Variants in NUP88 observed in about 807,000 individuals in gnomAD.
The protein encoded by NUP88 is nucleoporin 88.
A neutral mutation model predicts 93.9 loss-of-function variants in NUP88; 57 were observed. That is an observed-to-expected ratio of 0.61 (90% CI 0.49 to 0.76). The LOEUF (loss-of-function observed/expected upper bound fraction) is 0.76. Among genes scored for constraint, NUP88 ranks in the 30% least tolerant of loss-of-function variants. The pLI is 0.00. For synonymous variants in NUP88, 346 were observed against 336.8 expected (o/e 1.03, Z -0.30); for missense variants, 911 against 901.0 (o/e 1.01, Z -0.14).
At chr17:5,411,544 G>A (rs1234459286) in intron 3 of NUP88, among the ~76,000 whole-genome samples, 4 of 145,294 alleles carry the variant, frequency 2.8e-5, no homozygotes, top group Non-Finnish European at 5.9e-5. Context: ...TCACGCCACT[G>A]CACTCCAGCC....
intron 7 of NUP88, among the ~76,000 whole-genome samples, chr17:5,403,565 C>T (rs180865273): frequency 2.6e-5 from 4 of 152,216 alleles, no homozygotes; most frequent in Admixed American, 2.6e-4. Context: ...GAGGCTGAGG[C>T]AAAATAATCG....
Position 5,419,340 on chromosome 17 carries a change from C to A in NUP88, c.297+14G>T. ...TCCCGGTGAGGGTCACTTCCAAGAT[C>A]GGCCTGGCATTACCTGGTACTGGGA... On this transcript the variant is annotated intron_variant, in intron 1 of 16. Coordinates refer to ENST00000573584, the MANE Select transcript of NUP88 (RefSeq NM_002532.6). The A allele has an allele frequency of 1.3e-6, 2 of 1,541,072 alleles. No individual in the cohort carries two copies. Among genetic ancestry groups the A allele is most frequent in the South Asian group, 1.2e-5 (1 of 82,698 alleles).
In NUP88 at chr17:5,386,140, G is replaced by T; in HGVS notation, c.*66C>A. On this transcript the variant is annotated 3_prime_UTR_variant, in exon 17 of 17. Coordinates refer to ENST00000573584, the MANE Select transcript of NUP88 (RefSeq NM_002532.6). ...TTTTATAAATTAGATAATTCTACCT[G>T]TTTTACAATATGGGTTTAAGCCTTC... The T allele has an allele frequency of 1.6e-6, 2 of 1,216,766 alleles. No individual in the cohort carries two copies. The highest frequency in any genetic ancestry group is 2.5e-5 in the East Asian group (1 of 40,542). The allele number at this position is 1,216,766 out of a possible 1,614,324, so 75.4% of individuals were successfully genotyped here.
At chr17:5,395,151 G>A (rs946128164) in intron 8 of NUP88, among the ~76,000 whole-genome samples, 170 bp from the exon 9 acceptor site, 5 of 152,058 alleles carry the variant, frequency 3.3e-5, no homozygotes, top group Non-Finnish European at 7.4e-5. Context: ...CTAGATTTCC[G>A]CCCCAAGAAG....
chr17:5,416,316 G>A (rs988055578), intron 2 of NUP88, among the ~76,000 whole-genome samples, 197 bp downstream of exon 2: 38 of 151,652 alleles, frequency 2.5e-4, no homozygotes, highest in Admixed American at 2.0e-3. Flanking sequence ...AGACAGCAAC[G>A]TGGTACTTCA....
chr17:5,400,488 C>A (rs1307478217), intron 7 of NUP88, among the ~76,000 whole-genome samples: 1 of 118,518 alleles, frequency 8.4e-6, no homozygotes, highest in South Asian at 3.3e-4. Context: ...AGTGAAACTC[C>A]GTCTCAAAAA....
chr17:5,406,477 A>G (rs574907863), intron 5 of NUP88, among the ~76,000 whole-genome samples: 6 of 152,236 alleles, frequency 3.9e-5, no homozygotes, highest in East Asian at 1.9e-4. Flanking sequence ...GGGTAACAGT[A>G]TATCACTAGA....
intron 4 of NUP88, among the ~76,000 whole-genome samples, chr17:5,410,036 A>G (rs1421514451): frequency 6.6e-6 from 1 of 152,232 alleles, no homozygotes; most frequent in African/African-American, 2.4e-5. Flanking sequence ...CTTTATAGGT[A>G]AAGACTCTGG....
At chr17:5,389,550 G>A (rs975430779) in intron 10 of NUP88, among the ~76,000 whole-genome samples, 1 of 152,136 alleles carries the variant, frequency 6.6e-6, no homozygotes, top group Admixed American at 6.6e-5. Context: ...GGCCGAGGCA[G>A]GTGGATCACT....
chr17:5,400,139 TTA>T (rs1913055707), intron 7 of NUP88, among the ~76,000 whole-genome samples: 2 of 111,650 alleles, frequency 1.8e-5, no homozygotes, highest in African/African-American at 3.4e-5. Flanking sequence ...CTTTCATTTG[TTA>T]AAAAAAAAAA....
chr17:5,395,227 C>T (rs190617828), intron 8 of NUP88, among the ~76,000 whole-genome samples: 1 of 152,162 alleles, frequency 6.6e-6, no homozygotes, highest in Non-Finnish European at 1.5e-5. Flanking sequence ...AAATCATTCT[C>T]TTCTAGGGTG....
chr17:5,388,689 A>G, intron 11 of NUP88, 113 bp downstream of exon 11: 1 of 1,013,526 alleles, frequency 9.9e-7, no homozygotes, highest in Non-Finnish European at 1.4e-6. Context: ...AGTTTCTTCC[A>G]AATTTATCAC....
At chr17:5,406,480 T>C (rs1913497321) in intron 5 of NUP88, among the ~76,000 whole-genome samples, 1 of 152,172 alleles carries the variant, frequency 6.6e-6, no homozygotes, top group Non-Finnish European at 1.5e-5. Context: ...TAACAGTATA[T>C]CACTAGAGGT....
intron 10 of NUP88, 195 bp downstream of exon 10, chr17:5,391,366 C>A: frequency 1.9e-6 from 1 of 524,908 alleles, no homozygotes. Flanking sequence ...CAGGGGATGC[C>A]AGAAACTATA....
intron 3 of NUP88, 118 bp downstream of exon 3, chr17:5,413,890 TC>T (rs1415032117): frequency 1.3e-5 from 13 of 1,035,518 alleles, no homozygotes; most frequent in Non-Finnish European, 1.9e-5. Flanking sequence ...ACAACAGCCA[TC>T]CAATAAAAGC....
rs1911952918 is a variant in NUP88 at position 5,386,206 on chromosome 17, T to C, written c.2226A>G (p.Ter742TrpextTer9). 6.2e-7 allele frequency: 1 copy of C among 1,612,574 alleles called. No homozygotes were observed. The highest frequency in any genetic ancestry group is 8.5e-7 in the Non-Finnish European group (1 of 1,179,062). Residue 742 changes from the stop codon to tryptophan, a stop_lost, in exon 17 of 17, where the codon TGA becomes TGG. Coordinates refer to ENST00000573584, the MANE Select transcript of NUP88 (RefSeq NM_002532.6). ...INDIRNHVNF[*>W] ...AGGTGTGAGTCAGCTCCTGGTGGTG[T>C]CAGAAGTTTACATGATTGCGGATAT...
Position 5,387,669 on chromosome 17 carries a change from C to A in NUP88, c.1771G>T (p.Val591Phe), listed in dbSNP as rs774736593. Residue 591 changes from valine (V) to phenylalanine (F), a missense_variant and splice_region_variant, in exon 13 of 17, where the codon GTC (valine) becomes TTC (phenylalanine). Transcript: ENST00000573584. ...TTTTTTTGGTCACATAATAATTTGA[C>A]CCTTTAAAAACAAAAAGAAATAGAG... ...DLAKEEIQRR[V>F]KLLCDQKKKQ... The A allele has an allele frequency of 1.9e-6, 3 of 1,612,112 alleles. No individual in the cohort carries two copies. The highest frequency in any genetic ancestry group is 3.4e-5 in the Admixed American group (2 of 59,554).
chr17:5,388,896 ACT>A lies in NUP88; in HGVS notation c.1547_1548del (p.Glu516ValfsTer8), dbSNP rs1243094595. ...GTTTCAGCCAGAACACGGAGGGGAG[ACT>A]CTGCCACTTCAACATCTTCTCGAGT... ...LCTREDVEVAESPLRVLAETP... is the reference protein window; with the variant it reads ...LCTREDVEVAXSPLRVLAETP... On this transcript the variant is annotated frameshift_variant, in exon 11 of 17. Transcript: ENST00000573584. LOFTEE classifies it high-confidence loss of function. 6 of 1,613,752 alleles carry A rather than the reference ACT, an allele frequency of 3.7e-6. No homozygotes were observed. The highest frequency in any genetic ancestry group is 1.3e-5 in the African/African-American group (1 of 74,888).
chr17:5,394,770 C>T, intron 9 of NUP88, 121 bp downstream of exon 9: 1 of 696,116 alleles, frequency 1.4e-6, no homozygotes, highest in Non-Finnish European at 2.5e-6. Flanking sequence ...AGTATCACGT[C>T]TGCAACTTTC....
Sources: gnomAD v4.1 joint callset for allele counts (sites outside exome capture counted in the v4.1 genomes callset) on GRCh38, gnomAD v4.1.1 for gene constraint, MANE v1.5 for transcripts, NCBI Gene and HGNC (gene_info 2026-07-23, HGNC 2026-07-21) for gene names.